STK3: variants seen among roughly 807,000 people sequenced by gnomAD.
STK3 encodes the protein serine/threonine kinase 3.
A neutral mutation model predicts 58.0 loss-of-function variants in STK3; 41 were observed. The ratio of observed to expected loss-of-function variants is 0.71; its 90% CI spans 0.55 to 0.92. The LOEUF (loss-of-function observed/expected upper bound fraction) is 0.92, where lower values mean the gene tolerates loss of function less well. STK3 is among the 40% of genes least tolerant of loss of function. STK3 has a pLI of 0.00. For missense variants in STK3, 479 were observed against 602.7 expected (o/e 0.79, Z 2.15); for synonymous variants, 170 against 191.0 (o/e 0.89, Z 0.91).
At chr8:98,673,434 C>T (rs1316389280) in intron 6 of STK3, among the ~76,000 whole-genome samples, 1 of 152,044 alleles carries the variant, frequency 6.6e-6, no homozygotes, top group African/African-American at 2.4e-5. Flanking sequence ...AGAACACAAC[C>T]ATATAAAGGA....
intron 6 of STK3, among the ~76,000 whole-genome samples, chr8:98,619,324 G>T (rs909455504): frequency 9.2e-5 from 14 of 151,682 alleles, no homozygotes; most frequent in Middle Eastern, 6.8e-3. Flanking sequence ...TCAAGATGGA[G>T]TAAAGATTTA....
At chr8:98,878,153 A>T (rs1241797448) in intron 3 of STK3, among the ~76,000 whole-genome samples, 1 of 151,780 alleles carries the variant, frequency 6.6e-6, no homozygotes, top group Non-Finnish European at 1.5e-5. Context: ...CCCAGGCTCA[A>T]GCAATTCTCG....
chr8:98,516,061 A>G (rs1269028576), intron 10 of STK3, among the ~76,000 whole-genome samples: 1 of 152,120 alleles, frequency 6.6e-6, no homozygotes, highest in Non-Finnish European at 1.5e-5. Flanking sequence ...ATATATGTAG[A>G]TAAACTTCAC....
chr8:98,661,142 T>G (rs1821936847), intron 6 of STK3, among the ~76,000 whole-genome samples: 1 of 152,118 alleles, frequency 6.6e-6, no homozygotes, highest in Admixed American at 6.6e-5. Context: ...ATTACAATTT[T>G]TAAAATGTCA....
At chr8:98,595,831 C>T (rs1287367945) in intron 7 of STK3, 3 of 463,980 alleles carry the variant, frequency 6.5e-6, no homozygotes, top group South Asian at 6.1e-5. Context: ...AAGGAGAATG[C>T]TTTGGAAATT....
rs934470384 is a variant in STK3 at position 98,632,276 on chromosome 8, T to C, written c.685-36107A>G. Among the ~76,000 whole-genome samples, 9 of 152,288 alleles carry C rather than the reference T, an allele frequency of 5.9e-5. No homozygotes were observed. The East Asian group carries it at 1.5e-3, about 26-fold the overall frequency. ...ATGATTAACTACCAAAAGAATAAAG[T>C]ATAAATGAGAGATTGGCGACCATGT... On this transcript the variant is annotated intron_variant, in intron 6 of 10. Coordinates refer to ENST00000419617, the MANE Select transcript of STK3 (RefSeq NM_006281.4).
intron 3 of STK3, among the ~76,000 whole-genome samples, chr8:98,853,502 C>T (rs938394421): frequency 1.3e-5 from 2 of 152,168 alleles, no homozygotes; most frequent in African/African-American, 4.8e-5. Flanking sequence ...CTTACTTTCC[C>T]TCTGGGTCTA....
chr8:98,417,860 C>T (rs981292153), intron 3 of STK3, among the ~76,000 whole-genome samples: 3 of 152,200 alleles, frequency 2.0e-5, no homozygotes, highest in Non-Finnish European at 4.4e-5. Flanking sequence ...AGGCATTCTC[C>T]TTCCAGAACG....
chr8:98,611,180 T>A (rs886073915), intron 6 of STK3, among the ~76,000 whole-genome samples: 5 of 152,136 alleles, frequency 3.3e-5, no homozygotes, highest in African/African-American at 9.6e-5. Context: ...ATGCAATAAG[T>A]GAGGCTCTGG....
At chr8:98,906,989 T>TAAAAAAAAAAAAAAAAAAAAAAA (rs3085954) in intron 1 of STK3, among the ~76,000 whole-genome samples, 1 of 94,784 alleles carries the variant, frequency 1.1e-5, no homozygotes, top group African/African-American at 4.2e-5. Context: ...TCTCTACCAA[T>TAAAAAAAAAAAAAAAAAAAAAAA]AAAAAAAAAA....
At chr8:98,556,636 A>G (rs1007925566) in intron 8 of STK3, among the ~76,000 whole-genome samples, 3 of 152,078 alleles carry the variant, frequency 2.0e-5, no homozygotes, top group Non-Finnish European at 4.4e-5. Flanking sequence ...TGCTTTCAAC[A>G]CTGGGAGCCC....
chr8:98,712,719 G>C (rs1009841759), intron 4 of STK3, among the ~76,000 whole-genome samples: 6 of 152,190 alleles, frequency 3.9e-5, no homozygotes, highest in African/African-American at 1.2e-4. Context: ...ACATTAGACA[G>C]ATCAACAAGA....
chr8:98,379,747 C>T (rs906978883), intron 1 of STK3, among the ~76,000 whole-genome samples: 2 of 152,162 alleles, frequency 1.3e-5, no homozygotes. Context: ...TGGAAATACA[C>T]AGAAAAGCAA....
intron 1 of STK3, among the ~76,000 whole-genome samples, chr8:98,385,519 A>G (rs1817781736): frequency 6.6e-6 from 1 of 152,182 alleles, no homozygotes; most frequent in Non-Finnish European, 1.5e-5. Context: ...AGCCACACAC[A>G]GCTGCAACCT....
At chr8:98,916,425 GCAAA>G (rs111911342) in intron 1 of STK3, among the ~76,000 whole-genome samples, 5 of 152,056 alleles carry the variant, frequency 3.3e-5, no homozygotes, top group East Asian at 3.9e-4. Flanking sequence ...AAACAAGCAA[GCAAA>G]CAAACAAACA....
At chr8:98,893,527 AG>A in intron 1 of STK3, among the ~76,000 whole-genome samples, 1 of 150,342 alleles carries the variant, frequency 6.7e-6, no homozygotes, top group Non-Finnish European at 1.5e-5. Context: ...AAAGAAAGAA[AG>A]AAAGAAAGAA....
chr8:98,594,435 A>G (rs944823573), intron 7 of STK3, among the ~76,000 whole-genome samples: 2 of 151,978 alleles, frequency 1.3e-5, no homozygotes. Context: ...CTCTGTCTCT[A>G]CTAATAATAC....
chr8:98,372,322 G>A (rs1411665131), intron 2 of STK3, among the ~76,000 whole-genome samples: 2 of 152,150 alleles, frequency 1.3e-5, no homozygotes, highest in Non-Finnish European at 2.9e-5. Context: ...CTAATGCAGA[G>A]GGCTCTTCAG....
intron 6 of STK3, among the ~76,000 whole-genome samples, chr8:98,694,921 G>A (rs970472926): frequency 3.3e-5 from 5 of 152,144 alleles, no homozygotes; most frequent in East Asian, 3.8e-4. Flanking sequence ...CTGAAGAATC[G>A]CCACACTGAC....
Sources: gnomAD v4.1 joint callset for allele counts (sites outside exome capture counted in the v4.1 genomes callset) on GRCh38, gnomAD v4.1.1 for gene constraint, MANE v1.5 for transcripts, NCBI Gene and HGNC (gene_info 2026-07-23, HGNC 2026-07-21) for gene names.